Variants in MSH6 observed in about 807,000 individuals in gnomAD.
MSH6 encodes DNA mismatch repair protein Msh6.
A neutral mutation model predicts 119.1 loss-of-function variants in MSH6; 85 were observed. The observed-to-expected ratio is 0.71, with a 90% CI of 0.60 to 0.85. The LOEUF (loss-of-function observed/expected upper bound fraction) is 0.85, where lower values mean the gene tolerates loss of function less well. Among genes scored for constraint, MSH6 ranks in the 40% least tolerant of loss-of-function variants. The probability of loss-of-function intolerance (pLI) is 0.00; values close to 1 mark genes in which losing one functional copy is unlikely to be tolerated. For synonymous variants in MSH6, 830 were observed against 586.9 expected, an observed-to-expected ratio of 1.41 and a Z score of -5.99; for missense variants, 2,163 against 1,655.3, an observed-to-expected ratio of 1.31 and a Z score of -5.32.
In MSH6 at chr2:47,800,010, A is replaced by G. The variant is rs143643688; in HGVS notation, c.2027A>G (p.Lys676Arg). The G allele has an allele frequency of 5.5e-5, 88 of 1,613,986 alleles. No homozygotes were observed. Among genetic ancestry groups the G allele is most frequent in the Non-Finnish European group, 6.9e-5 (81 of 1,180,016 alleles). Residue 676 changes from lysine to arginine, a missense_variant, in exon 4 of 10, where the codon AAA (lysine) becomes AGA (arginine). Coordinates refer to ENST00000234420, the MANE Select transcript of MSH6 (RefSeq NM_000179.3). Reference sequence around the variant, plus strand: ...TCCATTGGGTTGACACCAGGAGAGAAAAGTGAATTGGCCCTCTCTGCTCTA... The same window carrying G: ...TCCATTGGGTTGACACCAGGAGAGAGAAGTGAATTGGCCCTCTCTGCTCTA... The part of the protein sequence containing the change: ...SDSIGLTPGE[K>R]SELALSALGG...
intron 7 of MSH6, 151 bp from the exon 8 acceptor site, chr2:47,806,053 C>G: frequency 3.8e-6 from 3 of 782,018 alleles, no homozygotes; most frequent in Non-Finnish European, 6.5e-6. Flanking sequence ...GCTAAGCAGA[C>G]TCGTGTAGCT....
chr2:47,799,150 C>A lies in MSH6; in HGVS notation c.1167C>A (p.Pro389=), dbSNP rs1042819. Reference sequence around the variant, plus strand: ...AGCACAGGAGGAGGCCTGATCACCCCGATTTTGATGCATCTACACTCTATG... The same window carrying A: ...AGCACAGGAGGAGGCCTGATCACCCAGATTTTGATGCATCTACACTCTATG... ...RDEHRRRPDH[P]DFDASTLYVP... is the part of the protein sequence containing the mutation. The change falls in exon 4 of 10, where the codon CCC becomes CCA. Residue 389 remains proline, a synonymous_variant. Coordinates refer to ENST00000234420, the MANE Select transcript of MSH6 (RefSeq NM_000179.3). 6.2e-7 allele frequency: 1 copy of A among 1,613,688 alleles called. No individual in the cohort carries two copies. Among genetic ancestry groups the A allele is most frequent in the Non-Finnish European group, 8.5e-7 (1 of 1,179,924 alleles).
At chr2:47,809,712 A>C, downstream of MSH6, 8 of 1,598,268 alleles carry the variant, frequency 5.0e-6, no homozygotes, top group Non-Finnish European at 6.9e-6. Flanking sequence ...CAATACCTGA[A>C]GTAAAATTTA....
At chr2:47,795,303 TTTA>T (rs1481012545) in intron 2 of MSH6, among the ~76,000 whole-genome samples, 11 of 152,152 alleles carry the variant, frequency 7.2e-5, no homozygotes, top group African/African-American at 2.7e-4. Context: ...CCTTTTGTGC[TTTA>T]TTGATCTATC....
intron 1 of MSH6, 99 bp downstream of exon 1, chr2:47,783,592 G>T: frequency 8.1e-7 from 1 of 1,238,942 alleles, no homozygotes; most frequent in Non-Finnish European, 1.1e-6. Flanking sequence ...GGGGTGCACG[G>T]CCTGGCCCTG....
chr2:47,794,834 G>A (rs1386882385), intron 2 of MSH6, among the ~76,000 whole-genome samples: 3 of 151,576 alleles, frequency 2.0e-5, no homozygotes, highest in South Asian at 2.1e-4. Context: ...TTGCTCTGTC[G>A]CCCAGGCTGA....
At chr2:47,796,985 C>A (rs1211865427) in intron 3 of MSH6, among the ~76,000 whole-genome samples, 5 of 152,050 alleles carry the variant, frequency 3.3e-5, no homozygotes, top group Non-Finnish European at 5.9e-5. Context: ...TCAACAACAA[C>A]AAAAAATGTT....
At chr2:47,808,887 G>C, downstream of MSH6, 1 of 319,606 alleles carries the variant, frequency 3.1e-6, no homozygotes, top group East Asian at 5.9e-5. Flanking sequence ...TGTAGAGACA[G>C]GGTCTCCCTA....
intron 2 of MSH6, among the ~76,000 whole-genome samples, chr2:47,794,098 T>C (rs554807383): frequency 6.6e-6 from 1 of 150,670 alleles, no homozygotes; most frequent in East Asian, 2.1e-4. Flanking sequence ...CCCAGCACTT[T>C]GGGAGACTAA....
rs763712971 is a variant in MSH6 at position 47,799,585 on chromosome 2, C to T, written c.1602C>T (p.Asn534=). Residue 534 remains asparagine, a synonymous_variant, in exon 4 of 10, where the codon AAC becomes AAT. Transcript: ENST00000234420. The part of the protein sequence containing the change: ...YSVLEGDPSE[N]YSKYLLSLKE... ...TGCTGGAAGGTGATCCCTCTGAGAACTACAGTAAGTATCTTCTTAGCCTCA... is the reference window on the plus strand; with the variant it reads ...TGCTGGAAGGTGATCCCTCTGAGAATTACAGTAAGTATCTTCTTAGCCTCA... 1.2e-6 allele frequency: 2 copies of T among 1,614,170 alleles called. No homozygotes were observed. The highest frequency in any genetic ancestry group is 3.3e-5 in the Admixed American group (2 of 60,018).
In MSH6 at chr2:47,798,829, G is replaced by T. The variant is rs573638836; in HGVS notation, c.846G>T (p.Val282=). 1.2e-6 allele frequency: 2 copies of T among 1,614,160 alleles called. No homozygotes were observed. Among genetic ancestry groups the T allele is most frequent in the East Asian group, 2.2e-5 (1 of 44,884 alleles). The part of the protein sequence containing the change: ...EGSSDEISSG[V]GDSESEGLNS... Reference sequence around the variant, plus strand: ...GCAGTGATGAAATAAGCAGTGGAGTGGGGGATAGTGAGAGTGAAGGCCTGA... The same window carrying T: ...GCAGTGATGAAATAAGCAGTGGAGTTGGGGATAGTGAGAGTGAAGGCCTGA... The change falls in exon 4 of 10, where the codon GTG becomes GTT. Residue 282 remains valine (V), a synonymous_variant. Transcript: ENST00000234420.
In MSH6 at chr2:47,796,169, T is replaced by G; in HGVS notation, c.627+106T>G. 7 of 1,163,574 alleles carry G rather than the reference T, an allele frequency of 6.0e-6. No homozygotes were observed. In the South Asian group the frequency reaches 8.9e-5, roughly 15 times the overall value. The allele number at this position is 1,163,574 out of a possible 1,614,324, so 72.1% of individuals were successfully genotyped here. A position where few individuals can be genotyped will look rare whatever the true frequency, so the allele number is the denominator to read the frequency against. On this transcript the variant is annotated intron_variant, in intron 3 of 9. Transcript: ENST00000234420. ...CTTGTTTTATATATGTGTGTGTATA[T>G]GTATTATTTTATTATACATACATGC...
intron 1 of MSH6, among the ~76,000 whole-genome samples, chr2:47,788,777 G>C (rs1465621714): frequency 6.6e-6 from 1 of 151,154 alleles, no homozygotes; most frequent in African/African-American, 2.4e-5. Context: ...TCGCCATGTT[G>C]GCCAGGCTGG....
At chr2:47,784,077 G>A (rs1668194659) in intron 1 of MSH6, 1 of 1,009,654 alleles carries the variant, frequency 9.9e-7, no homozygotes, top group African/African-American at 1.7e-5. Context: ...TCGCCGAGAC[G>A]CCTTGGGGAC....
chr2:47,789,220 G>A (rs988237888), intron 1 of MSH6: 5 of 282,726 alleles, frequency 1.8e-5, no homozygotes, highest in East Asian at 1.2e-4. Flanking sequence ...CACCGCACCC[G>A]GCCCATACTG....
At chr2:47,798,554 ACAT>A in intron 3 of MSH6, 54 bp from the exon 4 acceptor site, 1 of 1,576,110 alleles carries the variant, frequency 6.3e-7, no homozygotes, top group Non-Finnish European at 8.6e-7. Context: ...GAACTGTCTT[ACAT>A]TATGGTTTTC....
At position 47,783,360 on chromosome 2, in the gene MSH6, T is replaced by C. The variant is rs770678180; in HGVS notation, c.127T>C (p.Ser43Pro). 6.2e-7 allele frequency: 1 copy of C among 1,605,876 alleles called. No homozygotes were observed. ...RAAAAPGASPSPGGDAAWSEA... is the reference protein window; with the variant it reads ...RAAAAPGASPPPGGDAAWSEA... ...CGCCGCTGCCCCCGGGGCCTCTCCT[T>C]CCCCAGGCGGGGATGCGGCCTGGAG... Residue 43 changes from serine to proline, a missense_variant, in exon 1 of 10, where the codon TCC becomes CCC. Physicochemically the swap from Ser to Pro is moderately conservative, Grantham distance 74. Transcript: ENST00000234420.
In MSH6 at chr2:47,800,270, G is replaced by C. The variant is rs1558664969; in HGVS notation, c.2287G>C (p.Asp763His). Residue 763 changes from aspartate to histidine, a missense_variant, in exon 4 of 10, where the codon GAT (aspartate) becomes CAT (histidine). By Grantham distance (81) the Asp-to-His change is moderately conservative. Transcript: ENST00000234420. ...TGAAGGAACCCTACTAGAGAGGGTT[G>C]ATACTTGCCATACTCCTTTTGGTAA... is the stretch of plus-strand genomic sequence containing the variant. Reference protein sequence around the residue: ...STEGTLLERVDTCHTPFGKRL... With the variant: ...STEGTLLERVHTCHTPFGKRL... 1.2e-6 allele frequency: 2 copies of C among 1,614,156 alleles called. No individual in the cohort carries two copies. The highest frequency in any genetic ancestry group is 1.7e-6 in the Non-Finnish European group (2 of 1,180,020).
chr2:47,807,066 G>A (rs1670259401), downstream of MSH6: 4 of 568,188 alleles, frequency 7.0e-6, no homozygotes, highest in Non-Finnish European at 1.2e-5. Context: ...TATGGTACAT[G>A]CATACACTTT....
Sources: allele counts gnomAD v4.1 joint callset (sites outside exome capture counted in the v4.1 genomes callset), GRCh38; gene constraint gnomAD v4.1.1; transcripts MANE v1.5; gene names NCBI Gene and HGNC (gene_info 2026-07-23, HGNC 2026-07-21).